DST: variants seen among roughly 807,000 people sequenced by gnomAD.
The protein encoded by DST is bullous pemphigoid antigen.
A neutral mutation model predicts 875.2 loss-of-function variants in DST; 253 were observed. That is an observed-to-expected ratio of 0.29 (90% confidence interval 0.26 to 0.32). DST has a LOEUF of 0.32. Among genes scored for constraint, DST ranks in the 10% least tolerant of loss-of-function variants. The probability of loss-of-function intolerance (pLI) is 1.00; values close to 1 mark genes in which losing one functional copy is unlikely to be tolerated. For missense variants in DST, 8,287 were observed against 9,111.6 expected (o/e 0.91, Z 3.68); for synonymous variants, 3,124 against 3,197.1 (o/e 0.98, Z 0.77).
At chr6:56,651,653 T>A (rs1394100645) in intron 10 of DST, among the ~76,000 whole-genome samples, 1 of 152,184 alleles carries the variant, frequency 6.6e-6, no homozygotes, top group Non-Finnish European at 1.5e-5. Flanking sequence ...GGCCTCCCCA[T>A]TGCACCATAC....
In DST at chr6:56,701,960, T is replaced by G. The variant is rs754357886; in HGVS notation, c.882A>C (p.Arg294Ser). ...TGTGAAAACGCATCCGACCTTTTTC[T>G]CTGGGCTAAGAACAGAAAAATGCAG... ...EDVEDEDKGP[R>S]EKGRMRFHRL... The change falls in exon 8 of 104, where the codon AGA becomes AGC. Residue 294 changes from arginine to serine, a missense_variant. This residue lies in a region of DST where 1,160 missense variants were observed against 1,424.3 expected (regional missense o/e 0.81). Transcript: ENST00000680361. The G allele has an allele frequency of 3.1e-6, 5 of 1,608,882 alleles. No individual in the cohort carries two copies. The highest frequency in any genetic ancestry group is 4.3e-6 in the Non-Finnish European group (5 of 1,175,904).
chr6:56,517,917 G>A (rs1389057972), intron 69 of DST, among the ~76,000 whole-genome samples: 3 of 152,144 alleles, frequency 2.0e-5, no homozygotes, highest in South Asian at 4.2e-4. Context: ...TGCACCTTAG[G>A]AGTACTGTCC....
rs865870288 is a variant in DST, at chr6:56,606,442, C to T, written c.8186G>A (p.Cys2729Tyr). 2 of 1,613,228 alleles carry T rather than the reference C, an allele frequency of 1.2e-6. No homozygotes were observed. Among genetic ancestry groups the T allele is most frequent in the South Asian group, 1.1e-5 (1 of 91,078 alleles). Reference sequence around the variant, plus strand: ...TTCATCACCTTCAAGGATATTTGTGCATTCCCTTTCTGATCCAGTTTCCAG... The same window carrying T: ...TTCATCACCTTCAAGGATATTTGTGTATTCCCTTTCTGATCCAGTTTCCAG... ...QSLETGSERE[C>Y]TNILEGDESD... Residue 2729 changes from cysteine to tyrosine, a missense_variant, in exon 40 of 104, where the codon TGC (cysteine) becomes TAC (tyrosine). This residue lies in a region of DST where 3,138 missense variants were observed against 3,116.6 expected (regional missense o/e 1.01). Transcript: ENST00000680361.
At chr6:56,558,569 A>G (rs1029594217) in intron 58 of DST, among the ~76,000 whole-genome samples, 2 of 152,094 alleles carry the variant, frequency 1.3e-5, no homozygotes, top group African/African-American at 4.8e-5. Context: ...TCTAACTAGT[A>G]TCCCTGCTAT....
intron 4 of DST, among the ~76,000 whole-genome samples, chr6:56,813,731 GA>G (rs1322521455): frequency 6.6e-6 from 1 of 152,150 alleles, no homozygotes; most frequent in Non-Finnish European, 1.5e-5. Context: ...GAGGGGAAAT[GA>G]AAATTCAAAA....
chr6:56,849,145 T>TTC (rs1763654228), intron 4 of DST, among the ~76,000 whole-genome samples: 1 of 146,222 alleles, frequency 6.8e-6, no homozygotes, highest in African/African-American at 2.5e-5. Context: ...TTTTTTTTTT[T>TTC]TTTTTTTTTT....
chr6:56,698,992 T>A (rs2099278800), intron 9 of DST, among the ~76,000 whole-genome samples: 2 of 152,210 alleles, frequency 1.3e-5, no homozygotes, highest in African/African-American at 2.4e-5. Flanking sequence ...GCAGAACATT[T>A]CTTAAGCAGA....
intron 32 of DST, among the ~76,000 whole-genome samples, chr6:56,628,581 G>A (rs921572467): frequency 3.3e-5 from 5 of 152,132 alleles, no homozygotes; most frequent in Non-Finnish European, 5.9e-5. Context: ...TCCAGGAGCT[G>A]TGATTACATA....
At chr6:56,727,880 A>G (rs1208146173) in intron 5 of DST, among the ~76,000 whole-genome samples, 1 of 152,242 alleles carries the variant, frequency 6.6e-6, no homozygotes, top group Non-Finnish European at 1.5e-5. Flanking sequence ...ACGAAGGACT[A>G]AATCTCAGCT....
intron 101 of DST, 79 bp from the exon 102 acceptor site, chr6:56,463,235 A>C: frequency 1.2e-6 from 1 of 816,132 alleles, no homozygotes; most frequent in Non-Finnish European, 2.1e-6. Context: ...TATTCATAGC[A>C]AAGAGTCACA....
At chr6:56,687,117 G>A (rs1010249379) in intron 9 of DST, among the ~76,000 whole-genome samples, 2 of 152,210 alleles carry the variant, frequency 1.3e-5, no homozygotes, top group East Asian at 1.9e-4. Flanking sequence ...CACAGTGGAT[G>A]TAGAAATGAT....
At position 56,670,198 on chromosome 6, in the gene DST, C is replaced by T. The variant is rs2099094251; in HGVS notation, c.1214+443G>A. Among the ~76,000 whole-genome samples the T allele has an allele frequency of 2.0e-5, 3 of 150,046 alleles. No homozygotes were observed. In the East Asian group the frequency reaches 5.8e-4, roughly 29 times the overall value. On this transcript the variant is annotated intron_variant, in intron 10 of 103. Coordinates refer to ENST00000680361, the MANE Select transcript of DST (RefSeq NM_001374736.1). ...TATAAGCTACAATTCAGAATCATGG[C>T]CTCTAAGTAGTGGAAATGTGATTTT...
intron 98 of DST, among the ~76,000 whole-genome samples, chr6:56,467,818 A>G (rs1050038538): frequency 7.9e-5 from 12 of 152,190 alleles, no homozygotes; most frequent in African/African-American, 2.9e-4. Flanking sequence ...TCACAAGACA[A>G]GAGAAAATAG....
At chr6:56,474,799 C>CA (rs1219920800) in intron 92 of DST, among the ~76,000 whole-genome samples, 28 of 151,410 alleles carry the variant, frequency 1.8e-4, no homozygotes, top group Non-Finnish European at 2.5e-4. Flanking sequence ...CCTGTCTCTA[C>CA]AAAAAATTCA....
chr6:56,786,322 A>C (rs891159961), intron 4 of DST, among the ~76,000 whole-genome samples: 1 of 152,202 alleles, frequency 6.6e-6, no homozygotes, highest in African/African-American at 2.4e-5. Context: ...TGTTTGTTCT[A>C]TTAGCAGATA....
At chr6:56,799,744 TC>T (rs1418615061) in intron 4 of DST, among the ~76,000 whole-genome samples, 1 of 151,808 alleles carries the variant, frequency 6.6e-6, no homozygotes, top group African/African-American at 2.4e-5. Context: ...GCCTCGGCCT[TC>T]CAAGTAGCGG....
chr6:56,932,968 T>C (rs759215637), intron 2 of DST, among the ~76,000 whole-genome samples: 5 of 151,452 alleles, frequency 3.3e-5, no homozygotes, highest in Non-Finnish European at 7.4e-5. Context: ...AATAATACAA[T>C]GTTTGGTTCT....
intron 80 of DST, 106 bp downstream of exon 80, chr6:56,500,974 A>G: frequency 9.0e-7 from 1 of 1,115,594 alleles, no homozygotes; most frequent in Non-Finnish European, 1.2e-6. Context: ...AACTTGTGTC[A>G]AAATCATAAA....
chr6:56,541,447 A>T (rs2097124957), intron 61 of DST: 1 of 152,672 alleles, frequency 6.5e-6, no homozygotes, highest in Non-Finnish European at 1.5e-5. Context: ...TTAGTCTAAC[A>T]GTATCATAGA....
Sources: allele counts gnomAD v4.1 joint callset (sites outside exome capture counted in the v4.1 genomes callset), GRCh38; gene constraint gnomAD v4.1.1; regional missense constraint gnomAD v4.1.1; transcripts MANE v1.5; gene names NCBI Gene and HGNC (gene_info 2026-07-23, HGNC 2026-07-21).